Variants in LRP1B observed in about 807,000 individuals in gnomAD.
The protein encoded by LRP1B is LDL receptor related protein 1B.
In LRP1B, 217 loss-of-function variants were observed where a neutral mutation model predicts 556.6. The observed-to-expected ratio is 0.39, with a 90% CI of 0.35 to 0.44. The LOEUF is 0.44. LRP1B is among the 20% of genes least tolerant of loss of function. LRP1B has a pLI of 1.00. For missense variants in LRP1B, 5,053 were observed against 5,620.8 expected (o/e 0.90, Z 3.23); for synonymous variants, 2,047 against 1,865.8 (o/e 1.10, Z -2.50).
At position 140,534,017 on chromosome 2, in the gene LRP1B, T is replaced by C. The variant is rs186243161; in HGVS notation, c.7762+4A>G. On this transcript the variant is annotated splice_donor_region_variant and intron_variant, in intron 47 of 90. Coordinates refer to ENST00000389484, the MANE Select transcript of LRP1B (RefSeq NM_018557.3). ...ATTCTGAGATTGATGGAACAAGTAT[T>C]TACCTTTACAATCTAATTCATCAGA... The C allele has an allele frequency of 2.4e-5, 38 of 1,613,120 alleles. No individual in the cohort carries two copies. In the East Asian group the frequency reaches 7.4e-4, roughly 31 times the overall value.
At position 140,598,673 on chromosome 2, in the gene LRP1B, T is replaced by C. The variant is rs754424354; in HGVS notation, c.7152A>G (p.Leu2384=). 1.3e-5 allele frequency: 21 copies of C among 1,613,648 alleles called. No individual in the cohort carries two copies. Among genetic ancestry groups the C allele is most frequent in the Non-Finnish European group, 1.7e-6 (2 of 1,179,804 alleles). ...CGTATTCACACCTTTCAATTTTTCC[T>C]AGACTGCCATCTGAGAAATACAGCT... ...AEKLYFSDGS[L]GKIERCEYDG... Residue 2384 remains leucine (L), a synonymous_variant, in exon 43 of 91, where the codon CTA becomes CTG. Transcript: ENST00000389484.
chr2:141,350,562 A>G (rs1465431911), intron 3 of LRP1B, among the ~76,000 whole-genome samples: 1 of 152,078 alleles, frequency 6.6e-6, no homozygotes, highest in Non-Finnish European at 1.5e-5. Flanking sequence ...TGGAATCAGA[A>G]ATCAGAGAAA....
At chr2:140,412,048 C>T (rs904031990) in intron 66 of LRP1B, among the ~76,000 whole-genome samples, 3 of 152,108 alleles carry the variant, frequency 2.0e-5, no homozygotes, top group Non-Finnish European at 4.4e-5. Flanking sequence ...TTAGCTAAAG[C>T]ATTCCTTCAC....
intron 3 of LRP1B, among the ~76,000 whole-genome samples, chr2:141,434,385 G>C (rs1680677732): frequency 6.6e-6 from 1 of 152,002 alleles, no homozygotes; most frequent in African/African-American, 2.4e-5. Flanking sequence ...CTCCTCTAGT[G>C]AATTTTCATT....
At chr2:141,754,503 A>G (rs914050186) in intron 2 of LRP1B, among the ~76,000 whole-genome samples, 3 of 152,198 alleles carry the variant, frequency 2.0e-5, no homozygotes, top group African/African-American at 7.2e-5. Context: ...GCATAATAAT[A>G]CCATATTTAG....
At chr2:140,440,405 A>G (rs746442487) in intron 66 of LRP1B, among the ~76,000 whole-genome samples, 1 of 152,186 alleles carries the variant, frequency 6.6e-6, no homozygotes, top group Non-Finnish European at 1.5e-5. Context: ...GTTCTTAGCC[A>G]TAAAGACATA....
intron 3 of LRP1B, among the ~76,000 whole-genome samples, chr2:141,313,799 A>C (rs991282191): frequency 6.6e-6 from 1 of 152,118 alleles, no homozygotes; most frequent in African/African-American, 2.4e-5. Context: ...AACTTCCCTG[A>C]ATCTCTCCTG....
At chr2:140,413,383 A>G (rs1205309062) in intron 66 of LRP1B, among the ~76,000 whole-genome samples, 1 of 152,174 alleles carries the variant, frequency 6.6e-6, no homozygotes, top group African/African-American at 2.4e-5. Flanking sequence ...ATCCCCTTAG[A>G]GACAGATCTG....
chr2:141,677,112 A>G (rs1351156495), intron 2 of LRP1B, among the ~76,000 whole-genome samples: 2 of 152,184 alleles, frequency 1.3e-5, no homozygotes, highest in African/African-American at 4.8e-5. Flanking sequence ...TGGAAGAGAA[A>G]GAAATAATTT....
intron 35 of LRP1B, among the ~76,000 whole-genome samples, chr2:140,758,262 A>C (rs1006430058): frequency 6.8e-6 from 1 of 146,274 alleles, no homozygotes; most frequent in Non-Finnish European, 1.5e-5. Context: ...ATCATAACAT[A>C]GGAGAGCGTT....
chr2:140,525,388 A>G (rs557546664), intron 49 of LRP1B, among the ~76,000 whole-genome samples: 1 of 152,070 alleles, frequency 6.6e-6, no homozygotes, highest in Non-Finnish European at 1.5e-5. Flanking sequence ...TCTTAACTTG[A>G]TTCAATAATG....
chr2:140,945,793 T>C (rs888873520), intron 20 of LRP1B, among the ~76,000 whole-genome samples: 1 of 152,150 alleles, frequency 6.6e-6, no homozygotes, highest in Non-Finnish European at 1.5e-5. Flanking sequence ...TTCTAGATAT[T>C]GGCATAGGCA....
At chr2:140,267,645 A>G (rs1383175186) in intron 86 of LRP1B, among the ~76,000 whole-genome samples, 2 of 151,882 alleles carry the variant, frequency 1.3e-5, no homozygotes, top group Non-Finnish European at 1.5e-5. Flanking sequence ...TTATTTCCAA[A>G]TACTTCTGAT....
At chr2:140,517,114 T>C in intron 49 of LRP1B, 103 bp from the exon 50 acceptor site, 1 of 808,632 alleles carries the variant, frequency 1.2e-6, no homozygotes, top group South Asian at 1.7e-5. Context: ...AAATAACAAG[T>C]AAGCTTAAAA....
chr2:140,342,868 C>A (rs1164011149), intron 77 of LRP1B, among the ~76,000 whole-genome samples: 1 of 151,480 alleles, frequency 6.6e-6, no homozygotes, highest in Non-Finnish European at 1.5e-5. Flanking sequence ...TGTGCATGTG[C>A]TGGATAAAAG....
At chr2:141,277,433 GTCT>G (rs1160295335) in intron 3 of LRP1B, among the ~76,000 whole-genome samples, 3 of 152,158 alleles carry the variant, frequency 2.0e-5, no homozygotes, top group African/African-American at 7.2e-5. Context: ...CCACGTGTAT[GTCT>G]TCTTTTGAAA....
chr2:141,086,230 T>G (rs1192364152), intron 7 of LRP1B, among the ~76,000 whole-genome samples: 1 of 152,224 alleles, frequency 6.6e-6, no homozygotes, highest in Non-Finnish European at 1.5e-5. Flanking sequence ...GATTTCAGCA[T>G]GTATTAGTGT....
chr2:140,249,215 A>G (rs987715474), intron 86 of LRP1B, among the ~76,000 whole-genome samples: 1 of 151,634 alleles, frequency 6.6e-6, no homozygotes, highest in Non-Finnish European at 1.5e-5. Flanking sequence ...TAATCATATT[A>G]TGGTTCTGAC....
chr2:141,089,111 A>G lies in LRP1B; in HGVS notation c.1014-26838T>C, dbSNP rs369730001. ...CTTTCAACATCTGGGTATCCTTAGA[A>G]TGTTACGCAGCCATGTGTAGCCTCA... On this transcript the variant is annotated intron_variant, in intron 7 of 90. Coordinates refer to ENST00000389484, the MANE Select transcript of LRP1B (RefSeq NM_018557.3). Among the ~76,000 whole-genome samples, 120 of 152,312 alleles carry G rather than the reference A, an allele frequency of 7.9e-4. 4 individuals are homozygous for G. In the South Asian group the frequency reaches 0.022, roughly 28 times the overall value.
Sources: allele counts gnomAD v4.1 joint callset (sites outside exome capture counted in the v4.1 genomes callset), GRCh38; gene constraint gnomAD v4.1.1; transcripts MANE v1.5; gene names NCBI Gene and HGNC (gene_info 2026-07-23, HGNC 2026-07-21).